SFMBT2: variants seen among roughly 807,000 people sequenced by gnomAD.
SFMBT2 encodes the protein Scm like with four mbt domains 2, also known as scm-like with four MBT domains protein 2.
A neutral mutation model predicts 110.1 loss-of-function variants in SFMBT2; 38 were observed. The ratio of observed to expected loss-of-function variants is 0.35; its 90% CI spans 0.27 to 0.45. The LOEUF (loss-of-function observed/expected upper bound fraction) is 0.45, where lower values mean the gene tolerates loss of function less well. SFMBT2 is among the 20% of genes least tolerant of loss of function. The pLI is 1.00. For synonymous variants in SFMBT2, 425 were observed against 425.4 expected (o/e 1.00, Z 0.01); for missense variants, 1,011 against 1,094.9 (o/e 0.92, Z 1.08).
At chr10:7,410,546 G>C (rs796882143) in intron 1 of SFMBT2, among the ~76,000 whole-genome samples, 87 of 152,284 alleles carry the variant, frequency 5.7e-4, no homozygotes, top group African/African-American at 2.0e-3. Context: ...CGGCTTTTCC[G>C]AGCCCGGAGA....
In SFMBT2 at chr10:7,170,961, G is replaced by A. The variant is rs1259072452; in HGVS notation, c.2511C>T (p.Asp837=). The A allele has an allele frequency of 1.9e-5, 31 of 1,614,222 alleles. No individual in the cohort carries two copies. Among genetic ancestry groups the A allele is most frequent in the Middle Eastern group, 1.6e-4 (1 of 6,062 alleles). Reference sequence around the variant, plus strand: ...GAAATATCTTGGCCAAGGGGGCACAGTCTGTCAGCTTAATGAACCTCACCA... The same window carrying A: ...GAAATATCTTGGCCAAGGGGGCACAATCTGTCAGCTTAATGAACCTCACCA... The part of the protein sequence containing the change: ...TDVVRFIKLT[D]CAPLAKIFQE... The change falls in exon 20 of 21, where the codon GAC becomes GAT. Residue 837 remains aspartate, a synonymous_variant. Coordinates refer to ENST00000397167, the MANE Select transcript of SFMBT2 (RefSeq NM_001387889.1). This position sits in a 1 kb window ranked among gnomAD's most constrained non-coding sequence, Gnocchi z 4.6.
chr10:7,276,842 GA>G, intron 7 of SFMBT2, 49 bp downstream of exon 7: 2 of 835,214 alleles, frequency 2.4e-6, no homozygotes, highest in East Asian at 4.8e-5. Context: ...CTTTGTAGAT[GA>G]TTTTATTCTC....
intron 6 of SFMBT2, 144 bp from the exon 7 acceptor site, chr10:7,277,133 G>T: frequency 1.7e-6 from 1 of 585,768 alleles, no homozygotes; most frequent in Non-Finnish European, 3.0e-6. Flanking sequence ...CCCACCATGA[G>T]CAGCCACCTG....
At chr10:7,344,216 A>G (rs1379418774) in intron 4 of SFMBT2, among the ~76,000 whole-genome samples, 2 of 152,174 alleles carry the variant, frequency 1.3e-5, no homozygotes, top group South Asian at 2.1e-4. Context: ...ATGGGTTAGG[A>G]AGGTGAGTTC....
chr10:7,352,377 C>G (rs1844352039), intron 4 of SFMBT2, among the ~76,000 whole-genome samples: 1 of 152,150 alleles, frequency 6.6e-6, no homozygotes, highest in Admixed American at 6.5e-5. Flanking sequence ...GGTGGGAGTA[C>G]AGTGGTGCAA....
chr10:7,196,111 C>T lies in SFMBT2; in HGVS notation c.1698+1437G>A, dbSNP rs568156011. Among the ~76,000 whole-genome samples the T allele has an allele frequency of 7.9e-5, 12 of 152,258 alleles. No homozygotes were observed. The South Asian group carries it at 1.9e-3, about 24-fold the overall frequency. On this transcript the variant is annotated intron_variant, in intron 15 of 20. Coordinates refer to ENST00000397167, the MANE Select transcript of SFMBT2 (RefSeq NM_001387889.1). ...ATATTTGAAATCACACCGAGGCTCT[C>T]GTGTGGAGGGAAAGCTTGAGTCTCG... is the stretch of plus-strand genomic sequence containing the variant.
intron 4 of SFMBT2, among the ~76,000 whole-genome samples, chr10:7,366,339 C>T (rs1480337850): frequency 2.6e-5 from 4 of 151,674 alleles, no homozygotes; most frequent in Non-Finnish European, 5.9e-5. Context: ...ATTTTATGAC[C>T]CCCTTCTTAG....
intron 10 of SFMBT2, among the ~76,000 whole-genome samples, chr10:7,220,847 GAC>G (rs1564390933): frequency 7.6e-6 from 1 of 131,702 alleles, no homozygotes; most frequent in African/African-American, 3.0e-5. Flanking sequence ...TTGTTTTTGA[GAC>G]AGAGTCTGGC....
intron 4 of SFMBT2, among the ~76,000 whole-genome samples, chr10:7,310,772 G>A (rs749491006): frequency 3.3e-5 from 5 of 152,058 alleles, no homozygotes; most frequent in African/African-American, 1.2e-4. Context: ...AGGGCTAGAC[G>A]CGGTGGCTCA....
intron 9 of SFMBT2, chr10:7,228,409 G>T: frequency 1.2e-6 from 1 of 807,744 alleles, no homozygotes; most frequent in Non-Finnish European, 1.5e-6. Context: ...TACCAGGGAC[G>T]ACTTTTTAAA....
rs542174351 is a variant in SFMBT2, at chr10:7,321,201, C to CTT, written c.437-35249_437-35248dup. Among the ~76,000 whole-genome samples the CTT allele has an allele frequency of 6.8e-3, 881 of 130,434 alleles. 18 individuals carry two copies. The highest frequency in any genetic ancestry group is 0.02 in the African/African-American group (694 of 34,884). The allele number at this position is 130,434 out of a possible 152,430, so 85.6% of individuals were successfully genotyped here. On this transcript the variant is annotated intron_variant, in intron 4 of 20. Transcript: ENST00000397167. ...TTTCACTGAGGCATTTATGAGCATC[C>CTT]TTTTTTTTTTTTTTTTTTGAGACAG...
chr10:7,191,695 C>T (rs750611035), intron 15 of SFMBT2, among the ~76,000 whole-genome samples: 22 of 152,184 alleles, frequency 1.4e-4, no homozygotes, highest in Non-Finnish European at 3.1e-4. Flanking sequence ...TCACCATCCA[C>T]CCCCACTAAG....
At chr10:7,318,714 C>T (rs1405519896) in intron 4 of SFMBT2, among the ~76,000 whole-genome samples, 1 of 152,240 alleles carries the variant, frequency 6.6e-6, no homozygotes, top group South Asian at 2.1e-4. Flanking sequence ...TAAAGGTTCG[C>T]GTCTCCGCGT....
intron 16 of SFMBT2, among the ~76,000 whole-genome samples, chr10:7,187,788 A>C (rs2692794): frequency 0.35 from 53,742 of 152,072 alleles, 10,342 homozygotes; most frequent in Middle Eastern, 0.47. Context: ...TCTCTAAAGG[A>C]GGCTTAGATA....
chr10:7,320,648 G>A (rs1006824498), intron 4 of SFMBT2: 1 of 961,522 alleles, frequency 1.0e-6, no homozygotes, highest in African/African-American at 2.2e-5. Context: ...GGGAGGTTAA[G>A]TAATAGGAAG....
chr10:7,200,890 T>A lies in SFMBT2; in HGVS notation c.1488-406A>T, dbSNP rs1045568169. 5.6e-6 allele frequency: 3 copies of A among 539,524 alleles called. No individual in the cohort carries two copies. In the East Asian group the frequency reaches 4.4e-4, roughly 79 times the overall value. 33.4% of individuals were successfully genotyped at this position (539,524 alleles called of 1,614,324 possible). A position where few individuals can be genotyped will look rare whatever the true frequency, so the allele number is the denominator to read the frequency against. On this transcript the variant is annotated intron_variant, in intron 13 of 20. Transcript: ENST00000397167. ...TGTCTAATTGAAAACCACTTTCCAC[T>A]AACCTTTGATTTCTGACCTCCGGGC... is the stretch of plus-strand genomic sequence containing the variant.
At chr10:7,222,795 G>A (rs1372110390) in intron 10 of SFMBT2, among the ~76,000 whole-genome samples, 1 of 152,010 alleles carries the variant, frequency 6.6e-6, no homozygotes, top group Non-Finnish European at 1.5e-5. Flanking sequence ...TCAGCATCCT[G>A]AGTAGCTGGG....
intron 2 of SFMBT2, among the ~76,000 whole-genome samples, chr10:7,372,459 AC>A (rs1158834070): frequency 2.0e-5 from 3 of 152,212 alleles, no homozygotes; most frequent in Admixed American, 6.5e-5. Context: ...AGGAGAGAAA[AC>A]CTTTCCTTGG....
chr10:7,314,524 C>T (rs1035094113), intron 4 of SFMBT2, among the ~76,000 whole-genome samples: 5 of 152,234 alleles, frequency 3.3e-5, no homozygotes, highest in African/African-American at 1.2e-4. Flanking sequence ...CTCAACCACA[C>T]TTGGTGTAAG....
Sources: gnomAD v4.1 joint callset for allele counts (sites outside exome capture counted in the v4.1 genomes callset) on GRCh38, gnomAD v4.1.1 for gene constraint, Gnocchi (gnomAD v3.1) non-coding constraint, MANE v1.5 for transcripts, NCBI Gene and HGNC (gene_info 2026-07-23, HGNC 2026-07-21) for gene names.